ASIC2: variants seen among roughly 807,000 people sequenced by gnomAD.
The protein encoded by ASIC2 is acid sensing ion channel subunit 2.
A neutral mutation model predicts 57.3 loss-of-function variants in ASIC2; 25 were observed. That is an observed-to-expected ratio of 0.44 (90% CI 0.32 to 0.61). ASIC2 has a LOEUF of 0.61. Among genes scored for constraint, ASIC2 ranks in the 20% least tolerant of loss-of-function variants. ASIC2 has a pLI of 0.06. For missense variants in ASIC2, 641 were observed against 738.1 expected, an observed-to-expected ratio of 0.87 and a Z score of 1.52; for synonymous variants, 319 against 307.5, an observed-to-expected ratio of 1.04 and a Z score of -0.39.
intron 1 of ASIC2, among the ~76,000 whole-genome samples, chr17:33,567,701 A>G (rs902781833): frequency 1.2e-4 from 18 of 152,122 alleles, no homozygotes; most frequent in African/African-American, 4.1e-4. Flanking sequence ...GGCCTGAGCA[A>G]TTGGGTACAT....
At chr17:33,266,828 T>G (rs1909481220) in intron 1 of ASIC2, among the ~76,000 whole-genome samples, 1 of 152,182 alleles carries the variant, frequency 6.6e-6, no homozygotes. Context: ...TGTCAAAATG[T>G]TGGCTCCCTG....
At chr17:33,278,820 C>A (rs1904821241) in intron 1 of ASIC2, among the ~76,000 whole-genome samples, 1 of 151,972 alleles carries the variant, frequency 6.6e-6, no homozygotes, top group South Asian at 2.1e-4. Context: ...AGACAGGGAA[C>A]TTGTCACTTA....
At chr17:33,905,740 C>G (rs115658644) in intron 1 of ASIC2, among the ~76,000 whole-genome samples, 5,639 of 152,224 alleles carry the variant, frequency 0.037, 355 homozygotes, top group African/African-American at 0.13. Context: ...ATGTGATAGT[C>G]TGACATCAGA....
chr17:33,020,823 A>C (rs922922213), intron 7 of ASIC2, among the ~76,000 whole-genome samples: 3 of 152,226 alleles, frequency 2.0e-5, no homozygotes, highest in South Asian at 2.1e-4. Flanking sequence ...CCCACAGTTC[A>C]GCCTTCCCTC....
intron 3 of ASIC2, among the ~76,000 whole-genome samples, chr17:33,083,173 T>A (rs1489406257): frequency 6.6e-6 from 1 of 152,100 alleles, no homozygotes; most frequent in Non-Finnish European, 1.5e-5. Context: ...TTCCAACAAC[T>A]CACATTTATG....
At chr17:33,098,000 C>T (rs1014181438) in intron 2 of ASIC2, among the ~76,000 whole-genome samples, 2 of 152,180 alleles carry the variant, frequency 1.3e-5, no homozygotes, top group Non-Finnish European at 1.5e-5. Context: ...CTTAGTCCCA[C>T]TACTGAGACC....
intron 1 of ASIC2, among the ~76,000 whole-genome samples, chr17:33,623,236 GTTTT>G (rs770813988): frequency 8.5e-5 from 11 of 129,294 alleles, no homozygotes; most frequent in South Asian, 4.8e-4. Context: ...TTGTGATATC[GTTTT>G]TTTTTGTTTG....
At chr17:33,148,449 C>T (rs998935360) in intron 1 of ASIC2, among the ~76,000 whole-genome samples, 6 of 152,160 alleles carry the variant, frequency 3.9e-5, no homozygotes, top group African/African-American at 7.2e-5. Context: ...TTAGGATGTG[C>T]GAGAAGAAGC....
intron 1 of ASIC2, among the ~76,000 whole-genome samples, chr17:33,833,351 T>TA (rs1194602877): frequency 1.3e-5 from 2 of 152,106 alleles, no homozygotes; most frequent in African/African-American, 4.8e-5. Context: ...CTTACTAATT[T>TA]AAAAAAACCC....
chr17:33,352,123 C>T (rs542626786), intron 1 of ASIC2, among the ~76,000 whole-genome samples: 1 of 152,086 alleles, frequency 6.6e-6, no homozygotes, highest in African/African-American at 2.4e-5. Context: ...ACAAATGCCA[C>T]CCCTCTGAGC....
chr17:33,799,940 G>T (rs1218667197), intron 1 of ASIC2, among the ~76,000 whole-genome samples: 1 of 152,124 alleles, frequency 6.6e-6, no homozygotes, highest in Non-Finnish European at 1.5e-5. Context: ...GTACAAAACA[G>T]GGCATTGAAT....
chr17:33,901,652 G>T (rs1915233783), intron 1 of ASIC2, among the ~76,000 whole-genome samples: 1 of 152,024 alleles, frequency 6.6e-6, no homozygotes, highest in Non-Finnish European at 1.5e-5. Flanking sequence ...ATGAAATGAG[G>T]GGTCTGAACA....
At chr17:34,014,728 C>T (rs1166945594) in intron 1 of ASIC2, among the ~76,000 whole-genome samples, 1 of 152,164 alleles carries the variant, frequency 6.6e-6, no homozygotes, top group Non-Finnish European at 1.5e-5. Flanking sequence ...CCTCTGCTTC[C>T]TTATCTCTGA....
intron 1 of ASIC2, among the ~76,000 whole-genome samples, chr17:34,044,060 A>G (rs1319922110): frequency 6.6e-6 from 1 of 152,052 alleles, no homozygotes; most frequent in African/African-American, 2.4e-5. Flanking sequence ...TTTATGGATA[A>G]AACAGCTCAT....
At chr17:34,136,670 C>A (rs549160384) in intron 1 of ASIC2, among the ~76,000 whole-genome samples, 11 of 152,354 alleles carry the variant, frequency 7.2e-5, no homozygotes, top group Admixed American at 2.0e-4. Flanking sequence ...TTGCCTGTAA[C>A]TTCTGTCTCC....
intron 1 of ASIC2, among the ~76,000 whole-genome samples, chr17:33,520,232 AC>A (rs1163720138): frequency 3.3e-5 from 5 of 152,298 alleles, no homozygotes; most frequent in African/African-American, 1.2e-4. Flanking sequence ...TAGCTGTTCT[AC>A]TTGAAGAAAC....
At chr17:33,834,117 T>C (rs1432876425) in intron 1 of ASIC2, 1 of 152,244 alleles carries the variant, frequency 6.6e-6, no homozygotes, top group Non-Finnish European at 1.5e-5. Flanking sequence ...GTTTAGACAG[T>C]TTAACTGGTT....
chr17:33,674,924 G>C (rs1425343932), intron 1 of ASIC2, among the ~76,000 whole-genome samples: 1 of 152,140 alleles, frequency 6.6e-6, no homozygotes, highest in Non-Finnish European at 1.5e-5. Flanking sequence ...TGAGCCTCTT[G>C]TTTCTTTGTC....
chr17:33,141,116 CAG>C (rs559266212), intron 1 of ASIC2, among the ~76,000 whole-genome samples: 21 of 152,344 alleles, frequency 1.4e-4, no homozygotes, highest in African/African-American at 4.8e-4. Flanking sequence ...TCTCTCGCAT[CAG>C]AGAGTGAGTC....
Sources: gnomAD v4.1 joint callset for allele counts (sites outside exome capture counted in the v4.1 genomes callset) on GRCh38, gnomAD v4.1.1 for gene constraint, MANE v1.5 for transcripts, NCBI Gene and HGNC (gene_info 2026-07-23, HGNC 2026-07-21) for gene names.